The following CR1 variants were observed in gnomAD, a reference collection of about 807,000 sequenced individuals.
CR1 encodes complement C3b/C4b receptor 1 (Knops blood group).
CR1 carries 116 observed loss-of-function variants against 187.3 expected under a neutral mutation model. The ratio of observed to expected loss-of-function variants is 0.62; its 90% CI spans 0.53 to 0.72. The LOEUF is 0.72. Ranked by LOEUF, CR1 falls within the 30% of genes least tolerant of loss-of-function variation. CR1 has a pLI of 0.00. For missense variants in CR1, 1,731 were observed against 2,110.7 expected (o/e 0.82, Z 3.52); for synonymous variants, 576 against 747.1 (o/e 0.77, Z 3.73).
At chr1:207,616,156 G>A (rs945121902) in intron 40 of CR1, among the ~76,000 whole-genome samples, 3 of 152,106 alleles carry the variant, frequency 2.0e-5, no homozygotes, top group Admixed American at 2.0e-4. Context: ...AAAGATGATA[G>A]CTCATGTTTA....
chr1:207,508,233 A>T (rs1222281553), intron 3 of CR1, among the ~76,000 whole-genome samples: 1 of 152,212 alleles, frequency 6.6e-6, no homozygotes, highest in African/African-American at 2.4e-5. Context: ...GTCATAATAA[A>T]TTTATCCGAA....
intron 23 of CR1, among the ~76,000 whole-genome samples, chr1:207,564,627 C>T (rs1170549617): frequency 4.0e-5 from 6 of 149,878 alleles, no homozygotes; most frequent in Non-Finnish European, 8.8e-5. Flanking sequence ...ATGGTGAAAC[C>T]CTGTCTCTAC....
chr1:207,511,014 T>G (rs11117956), intron 3 of CR1, among the ~76,000 whole-genome samples: 39,880 of 151,548 alleles, frequency 0.26, 5,523 homozygotes, highest in South Asian at 0.44. Context: ...TACAGACAGC[T>G]TCTCACTATA....
At chr1:207,611,556 A>G (rs1253702653) in intron 37 of CR1, 121 bp from the exon 38 acceptor site, 10 of 1,422,806 alleles carry the variant, frequency 7.0e-6, no homozygotes, top group East Asian at 6.9e-5. Flanking sequence ...TGAACTACCA[A>G]TCTTCTCTTT....
chr1:207,526,426 T>G (rs1025081948), intron 5 of CR1, among the ~76,000 whole-genome samples: 36 of 150,474 alleles, frequency 2.4e-4, no homozygotes, highest in Non-Finnish European at 7.4e-5. Flanking sequence ...AAATCCATCA[T>G]TCCTCCCAAT....
chr1:207,526,843 G>A lies in CR1; in HGVS notation c.977G>A (p.Cys326Tyr), dbSNP rs1434321433. 3 of 1,495,222 alleles carry A rather than the reference G, an allele frequency of 2.0e-6. No homozygotes were observed. Among genetic ancestry groups the A allele is most frequent in the Middle Eastern group, 1.9e-4 (1 of 5,328 alleles). 92.6% of individuals were successfully genotyped at this position (1,495,222 alleles called of 1,614,324 possible). ...FSPGQEVFYS[C>Y]EPGYDLRGAA... is the part of the protein sequence containing the mutation. ...CCTGGGCAGGAAGTGTTCTACAGCTGTGAGCCCGGCTACGACCTCAGAGGG... is the reference window on the plus strand; with the variant it reads ...CCTGGGCAGGAAGTGTTCTACAGCTATGAGCCCGGCTACGACCTCAGAGGG... Residue 326 changes from cysteine to tyrosine, a missense_variant, in exon 6 of 47, where the codon TGT becomes TAT. Around this residue, in one of 5 missense-constraint regions of CR1, gnomAD observed 131 missense variants for 196.8 expected, o/e 0.67. Transcript: ENST00000367049.
At chr1:207,631,350 T>G (rs1458749852) in intron 46 of CR1, among the ~76,000 whole-genome samples, 1 of 152,174 alleles carries the variant, frequency 6.6e-6, no homozygotes, top group East Asian at 1.9e-4. Context: ...GAATAAAGTT[T>G]TACTGGGGCA....
intron 35 of CR1, among the ~76,000 whole-genome samples, chr1:207,591,286 G>A (rs1661264119): frequency 6.6e-6 from 1 of 152,142 alleles, no homozygotes. Flanking sequence ...TAGAACTCAG[G>A]ATTAAGAAAC....
Position 207,580,201 on chromosome 1 carries a change from C to G in CR1, c.4937-39C>G, listed in dbSNP as rs185164174. 6.9e-6 allele frequency: 11 copies of G among 1,604,808 alleles called. No individual in the cohort carries two copies. In the East Asian group the frequency reaches 2.5e-4, roughly 36 times the overall value. On this transcript the variant is annotated intron_variant, in intron 29 of 46. Coordinates refer to ENST00000367049, the MANE Select transcript of CR1 (RefSeq NM_000651.6). ...TCTTCAGGAAGCATAGGAAATTCCC[C>G]CATAACTAACAAGTACTCTGGAACT...
intron 13 of CR1, among the ~76,000 whole-genome samples, chr1:207,544,559 CA>C (rs1321839898): frequency 1.4e-5 from 1 of 71,778 alleles, no homozygotes; most frequent in Non-Finnish European, 2.6e-5. Flanking sequence ...ATTTGAGATC[CA>C]AATGTGTTTT....
intron 4 of CR1, among the ~76,000 whole-genome samples, chr1:207,515,039 A>C (rs1659747017): frequency 6.7e-6 from 1 of 148,216 alleles, no homozygotes; most frequent in Non-Finnish European, 1.5e-5. Flanking sequence ...ATATACATAT[A>C]TACTTATATG....
At chr1:207,581,225 T>TGTATAC in intron 31 of CR1, among the ~76,000 whole-genome samples, 2 of 146,058 alleles carry the variant, frequency 1.4e-5, no homozygotes, top group African/African-American at 5.0e-5. Context: ...TATGGACACG[T>TGTATAC]ATATGTAGAC....
At chr1:207,499,731 T>C (rs2102329491) in intron 1 of CR1, among the ~76,000 whole-genome samples, 1 of 152,352 alleles carries the variant, frequency 6.6e-6, no homozygotes, top group African/African-American at 2.4e-5. Context: ...TGGTTATCCC[T>C]GCTAGGTAAA....
At position 207,609,639 on chromosome 1, in the gene CR1, GT is replaced by G. The variant is rs1379868363; in HGVS notation, c.6247del (p.Cys2083AlafsTer31). The G allele has an allele frequency of 1.2e-6, 2 of 1,604,112 alleles. No individual in the cohort carries two copies. The highest frequency in any genetic ancestry group is 1.7e-6 in the Non-Finnish European group (2 of 1,175,236). On this transcript the variant is annotated frameshift_variant, in exon 37 of 47. Coordinates refer to ENST00000367049, the MANE Select transcript of CR1 (RefSeq NM_000651.6). LOFTEE classifies it high-confidence loss of function. Reference sequence around the variant, plus strand: ...TCATGGTAGGGTCCCACACTGTGCAGTGCCAGACCAATGGCAGATGGGGGCC... The same window carrying G: ...TCATGGTAGGGTCCCACACTGTGCAGGCCAGACCAATGGCAGATGGGGGCC... ...FVMVGSHTVQCQTNGRWGPKL... is the reference protein window; with the variant it reads ...FVMVGSHTVQXQTNGRWGPKL...
chr1:207,598,654 G>A (rs376881187), intron 35 of CR1, among the ~76,000 whole-genome samples: 8 of 152,152 alleles, frequency 5.3e-5, no homozygotes, highest in East Asian at 3.9e-4. Context: ...TCTTGACCTC[G>A]TGATCTGCCT....
chr1:207,634,015 G>GT (rs1311349306), intron 46 of CR1, among the ~76,000 whole-genome samples: 1 of 152,100 alleles, frequency 6.6e-6, no homozygotes, highest in Non-Finnish European at 1.5e-5. Flanking sequence ...CTTTCACAAG[G>GT]TAATGTCATC....
In CR1 at chr1:207,623,018, T is replaced by C. The variant is rs1435030976; in HGVS notation, c.7302T>C (p.Phe2434=). The C allele has an allele frequency of 6.3e-7, 1 of 1,579,792 alleles. No homozygotes were observed. The highest frequency in any genetic ancestry group is 1.2e-5 in the South Asian group (1 of 86,598). ...IVGTLSGTIF[F]ILLIIFLSWI... Reference sequence around the variant, plus strand: ...GCACTTTATCTGGTACGATCTTCTTTATTTTACTCATCATTTTCCTCTCTT... The same window carrying C: ...GCACTTTATCTGGTACGATCTTCTTCATTTTACTCATCATTTTCCTCTCTT... Residue 2434 remains phenylalanine (F), a synonymous_variant, in exon 45 of 47, where the codon TTT becomes TTC. Coordinates refer to ENST00000367049, the MANE Select transcript of CR1 (RefSeq NM_000651.6).
At position 207,523,791 on chromosome 1, in the gene CR1, G is replaced by A; in HGVS notation, c.668G>A (p.Gly223Asp). 1 of 1,611,894 alleles carries A rather than the reference G, an allele frequency of 6.2e-7. No homozygotes were observed. The highest frequency in any genetic ancestry group is 8.5e-7 in the Non-Finnish European group (1 of 1,179,736). ...IYCTSNDDQVGIWSGPAPQCI... is the reference protein window; with the variant it reads ...IYCTSNDDQVDIWSGPAPQCI... ...TGCACCAGCAATGACGATCAAGTGGGCATCTGGAGCGGCCCCGCCCCTCAG... is the reference window on the plus strand; with the variant it reads ...TGCACCAGCAATGACGATCAAGTGGACATCTGGAGCGGCCCCGCCCCTCAG... Residue 223 changes from glycine (G) to aspartate (D), a missense_variant, in exon 5 of 47, where the codon GGC (glycine) becomes GAC (aspartate). Physicochemically the swap from Gly to Asp is moderately conservative, Grantham distance 94 (BLOSUM62 -1). This residue lies in a region of CR1 where 131 missense variants were observed against 196.8 expected (regional missense o/e 0.67). Coordinates refer to ENST00000367049, the MANE Select transcript of CR1 (RefSeq NM_000651.6).
At chr1:207,611,051 C>G (rs1661914201) in intron 37 of CR1, among the ~76,000 whole-genome samples, 1 of 150,274 alleles carries the variant, frequency 6.7e-6, no homozygotes, top group Non-Finnish European at 1.5e-5. Context: ...TTTTTTTGTA[C>G]CCATTAACTG....
Sources: gnomAD v4.1 joint callset for allele counts (sites outside exome capture counted in the v4.1 genomes callset) on GRCh38, gnomAD v4.1.1 for gene constraint, gnomAD v4.1.1 regional missense constraint, MANE v1.5 for transcripts, NCBI Gene and HGNC (gene_info 2026-07-23, HGNC 2026-07-21) for gene names.